ZMIZ1: variants seen among roughly 807,000 people sequenced by gnomAD.
ZMIZ1 encodes the protein zinc finger MIZ-type containing 1, also known as zinc finger MIZ domain-containing protein 1.
Under a neutral mutation model 113.9 loss-of-function variants are expected in ZMIZ1, and 17 were observed. The observed-to-expected ratio is 0.15, with a 90% CI of 0.10 to 0.22. The LOEUF (loss-of-function observed/expected upper bound fraction) is 0.22. Ranked by LOEUF, ZMIZ1 falls within the 10% of genes least tolerant of loss-of-function variation. The probability of loss-of-function intolerance (pLI) is 1.00; values close to 1 mark genes in which losing one functional copy is unlikely to be tolerated. For missense variants in ZMIZ1, 1,059 were observed against 1,477.8 expected (o/e 0.72, Z 4.65); for synonymous variants, 607 against 603.1 (o/e 1.01, Z -0.09).
intron 7 of ZMIZ1, among the ~76,000 whole-genome samples, chr10:79,273,442 G>T (rs7895141): frequency 0.018 from 2,794 of 152,244 alleles, 88 homozygotes; most frequent in African/African-American, 0.063. Flanking sequence ...GATCACTGCA[G>T]CCTCCACCTC....
chr10:79,131,649 T>G (rs1479525925), intron 2 of ZMIZ1, among the ~76,000 whole-genome samples: 1 of 152,114 alleles, frequency 6.6e-6, no homozygotes, highest in Non-Finnish European at 1.5e-5. Context: ...TGGCCCCCTC[T>G]GCTTCTCCCC....
intron 6 of ZMIZ1, among the ~76,000 whole-genome samples, chr10:79,208,779 A>G (rs912379040): frequency 1.4e-5 from 2 of 147,164 alleles, no homozygotes; most frequent in Non-Finnish European, 3.0e-5. Context: ...GCCATTTTTT[A>G]TCCAGTCATT....
intron 1 of ZMIZ1, among the ~76,000 whole-genome samples, chr10:79,076,872 T>G (rs930838728): frequency 1.3e-5 from 2 of 151,996 alleles, no homozygotes; most frequent in Non-Finnish European, 2.9e-5. Flanking sequence ...AGAAACCATC[T>G]AGGGAGGGTA....
At chr10:79,302,416 A>G (rs893332776) in intron 18 of ZMIZ1, among the ~76,000 whole-genome samples, 2 of 152,186 alleles carry the variant, frequency 1.3e-5, no homozygotes, top group Non-Finnish European at 2.9e-5. Context: ...GCTAGGTCCC[A>G]TAAGAGCTGG....
At chr10:79,308,190 G>C (rs929771817) in intron 23 of ZMIZ1, among the ~76,000 whole-genome samples, 6 of 152,268 alleles carry the variant, frequency 3.9e-5, no homozygotes, top group African/African-American at 1.2e-4. Context: ...CTGTCCCCTG[G>C]AGTCCTCATC....
intron 6 of ZMIZ1, among the ~76,000 whole-genome samples, chr10:79,212,039 C>A (rs1261995237): frequency 6.6e-6 from 1 of 152,210 alleles, no homozygotes; most frequent in African/African-American, 2.4e-5. Flanking sequence ...GACAGCCTGT[C>A]CTCCTGTTTT....
intron 7 of ZMIZ1, among the ~76,000 whole-genome samples, chr10:79,223,129 C>T (rs1458734382): frequency 6.6e-6 from 1 of 152,264 alleles, no homozygotes; most frequent in African/African-American, 2.4e-5. Flanking sequence ...ATGCAGCCGC[C>T]TTCCCGTTAC....
intron 2 of ZMIZ1, among the ~76,000 whole-genome samples, chr10:79,132,080 A>G (rs1247181474): frequency 1.3e-5 from 2 of 152,224 alleles, no homozygotes; most frequent in East Asian, 1.9e-4. Context: ...CAGAACCTGC[A>G]GTGTTCAAAG....
chr10:79,077,548 G>A (rs2132170066), intron 1 of ZMIZ1, among the ~76,000 whole-genome samples: 1 of 152,290 alleles, frequency 6.6e-6, no homozygotes, highest in South Asian at 2.1e-4. Context: ...ATGCTTTGGT[G>A]TTCCTGCTGT....
chr10:79,157,957 T>A (rs12259478), intron 3 of ZMIZ1, among the ~76,000 whole-genome samples: 1 of 144,034 alleles, frequency 6.9e-6, no homozygotes. Context: ...AAAATGACAG[T>A]AGAACAGCTC....
chr10:79,122,586 C>T (rs953416310), intron 2 of ZMIZ1, among the ~76,000 whole-genome samples: 2 of 152,112 alleles, frequency 1.3e-5, no homozygotes, highest in Non-Finnish European at 2.9e-5. Context: ...TTTCTTTGAC[C>T]CCCCAGCTCC....
intron 7 of ZMIZ1, among the ~76,000 whole-genome samples, chr10:79,253,646 G>T (rs1850690329): frequency 6.6e-6 from 1 of 152,220 alleles, no homozygotes; most frequent in South Asian, 2.1e-4. Flanking sequence ...CCAAGTCCGA[G>T]GCTTCAGTGT....
rs1335231276 is a variant in ZMIZ1, at chr10:79,202,955, G to A, written c.60+1263G>A. On this transcript the variant is annotated intron_variant, in intron 5 of 24. Coordinates refer to ENST00000334512, the MANE Select transcript of ZMIZ1 (RefSeq NM_020338.4). ...CCATTTGTCAAATGGGGCCTACCTC[G>A]TAGGATGCTGTGAGGATGTTGTGGG... 3.3e-5 allele frequency among the ~76,000 whole-genome samples: 5 copies of A among 152,222 alleles called. No individual in the cohort carries two copies. The East Asian group carries it at 9.6e-4, about 29-fold the overall frequency.
intron 7 of ZMIZ1, among the ~76,000 whole-genome samples, chr10:79,237,238 C>CGGAGACT (rs1338266585): frequency 2.0e-5 from 3 of 152,186 alleles, no homozygotes; most frequent in African/African-American, 7.2e-5. Context: ...AGAGAGATGA[C>CGGAGACT]GGAGACTGGA....
chr10:79,251,961 G>A (rs772450763), intron 7 of ZMIZ1, among the ~76,000 whole-genome samples: 21 of 152,156 alleles, frequency 1.4e-4, no homozygotes, highest in African/African-American at 3.9e-4. Context: ...GAGGCCACTC[G>A]GGCAATGGGT....
At chr10:79,077,942 G>C (rs1842529569) in intron 1 of ZMIZ1, among the ~76,000 whole-genome samples, 2 of 152,184 alleles carry the variant, frequency 1.3e-5, no homozygotes, top group Non-Finnish European at 2.9e-5. Context: ...CCCAGGTCAT[G>C]TGGTGCCTGG....
At chr10:79,086,272 A>G (rs1296187501) in intron 1 of ZMIZ1, among the ~76,000 whole-genome samples, 3 of 151,808 alleles carry the variant, frequency 2.0e-5, no homozygotes, top group East Asian at 1.9e-4. Context: ...CCTCCCAGGG[A>G]CCTCCTAGGC....
intron 7 of ZMIZ1, among the ~76,000 whole-genome samples, chr10:79,235,098 C>T (rs1239828084): frequency 2.0e-5 from 3 of 152,254 alleles, no homozygotes; most frequent in African/African-American, 4.8e-5. Context: ...CCTGCCCTGG[C>T]GGCCACCTTT....
chr10:79,085,805 G>A (rs1336919652), intron 1 of ZMIZ1, among the ~76,000 whole-genome samples: 1 of 152,202 alleles, frequency 6.6e-6, no homozygotes, highest in African/African-American at 2.4e-5. Context: ...TCTGAGCTGT[G>A]CCCAGTGGCC....
Sources: gnomAD v4.1 joint callset for allele counts (sites outside exome capture counted in the v4.1 genomes callset) on GRCh38, gnomAD v4.1.1 for gene constraint, MANE v1.5 for transcripts, NCBI Gene and HGNC (gene_info 2026-07-23, HGNC 2026-07-21) for gene names.